The following FRMD4A variants were observed in gnomAD, a reference collection of about 807,000 sequenced individuals.
FRMD4A encodes the protein FERM domain-containing protein 4A.
In FRMD4A, 29 loss-of-function variants were observed where a neutral mutation model predicts 129.1. The observed-to-expected ratio is 0.22, with a 90% confidence interval of 0.17 to 0.31. The LOEUF (loss-of-function observed/expected upper bound fraction) is 0.31, where lower values mean the gene tolerates loss of function less well. Among genes scored for constraint, FRMD4A ranks in the 10% least tolerant of loss-of-function variants. The probability of loss-of-function intolerance (pLI) is 1.00; values close to 1 mark genes in which losing one functional copy is unlikely to be tolerated. For missense variants in FRMD4A, 1,272 were observed against 1,375.8 expected, an observed-to-expected ratio of 0.92 and a Z score of 1.19; for synonymous variants, 634 against 571.6, an observed-to-expected ratio of 1.11 and a Z score of -1.56.
chr10:13,956,751 T>A (rs2095412313), intron 2 of FRMD4A, among the ~76,000 whole-genome samples: 1 of 152,224 alleles, frequency 6.6e-6, no homozygotes, highest in African/African-American at 2.4e-5. Context: ...CAGTGAGTAC[T>A]AAGATTCAAA....
chr10:14,023,083 T>A (rs1000893143), intron 2 of FRMD4A, among the ~76,000 whole-genome samples: 1 of 152,094 alleles, frequency 6.6e-6, no homozygotes, highest in African/African-American at 2.4e-5. Flanking sequence ...AACCTCCCTG[T>A]CTGCAGTTCA....
intron 2 of FRMD4A, among the ~76,000 whole-genome samples, chr10:13,977,668 T>A (rs2095546696): frequency 6.6e-6 from 1 of 152,208 alleles, no homozygotes; most frequent in Non-Finnish European, 1.5e-5. Flanking sequence ...TCCCCATTTC[T>A]CTTCATTCCC....
chr10:13,942,092 G>T (rs1250318545), intron 2 of FRMD4A, among the ~76,000 whole-genome samples: 1 of 152,110 alleles, frequency 6.6e-6, no homozygotes, highest in Non-Finnish European at 1.5e-5. Flanking sequence ...GGCCCTTAAT[G>T]GTGTCAAGTT....
Position 13,935,478 on chromosome 10 carries a change from T to G in FRMD4A, c.46-76566A>C, listed in dbSNP as rs1288554017. 1.8e-3 allele frequency among the ~76,000 whole-genome samples: 234 copies of G among 131,302 alleles called. 13 individuals are homozygous for G. The highest frequency in any genetic ancestry group is 4.1e-3 in the Middle Eastern group (1 of 244). 86.1% of individuals were successfully genotyped at this position (131,302 alleles called of 152,430 possible). On this transcript the variant is annotated intron_variant, in intron 2 of 24. Transcript: ENST00000357447. ...AAAAAAAAAAAAAAAAAAAAAAAGT[T>G]GTTACCAAATGATCAACGATTTTCC...
intron 2 of FRMD4A, among the ~76,000 whole-genome samples, chr10:14,069,192 T>C (rs1262764605): frequency 6.6e-6 from 1 of 152,222 alleles, no homozygotes; most frequent in African/African-American, 2.4e-5. Flanking sequence ...ACTTGGGTCA[T>C]GTGAATTTTA....
chr10:13,651,024 C>T (rs2081534601), intron 24 of FRMD4A: 1 of 152,236 alleles, frequency 6.6e-6, no homozygotes, highest in African/African-American at 2.4e-5. Flanking sequence ...AATTTGATTT[C>T]AAGCCCTTGT....
At chr10:14,328,762 C>T (rs1205311378) in intron 2 of FRMD4A, among the ~76,000 whole-genome samples, 3 of 151,856 alleles carry the variant, frequency 2.0e-5, no homozygotes, top group Non-Finnish European at 2.9e-5. Context: ...GCCATCATCA[C>T]GAATACTCAG....
chr10:13,691,010 C>G (rs944304658), intron 15 of FRMD4A, among the ~76,000 whole-genome samples: 6 of 151,954 alleles, frequency 3.9e-5, no homozygotes, highest in African/African-American at 7.3e-5. Context: ...GTGAGAGAGA[C>G]ACAGTCTCAC....
intron 3 of FRMD4A, among the ~76,000 whole-genome samples, chr10:13,846,023 T>C (rs1230423720): frequency 1.3e-5 from 2 of 152,174 alleles, no homozygotes; most frequent in Non-Finnish European, 2.9e-5. Flanking sequence ...GTGCCCCAAT[T>C]TCCTCATCTG....
intron 3 of FRMD4A, among the ~76,000 whole-genome samples, chr10:13,818,624 CT>C (rs2093583143): frequency 6.6e-6 from 1 of 152,136 alleles, no homozygotes; most frequent in African/African-American, 2.4e-5. Flanking sequence ...TCCTGTCTTT[CT>C]TATATAATTT....
rs1004096501 is a variant in FRMD4A at position 14,035,273 on chromosome 10, G to A, written c.46-176361C>T. 8.5e-5 allele frequency among the ~76,000 whole-genome samples: 13 copies of A among 152,056 alleles called. No individual in the cohort carries two copies. In the East Asian group the frequency reaches 1.2e-3, roughly 14 times the overall value. On this transcript the variant is annotated intron_variant, in intron 2 of 24. Coordinates refer to ENST00000357447, the MANE Select transcript of FRMD4A (RefSeq NM_018027.5). ...CCTAAAAATACAAAATTAGCTGGGC[G>A]TGGTAGCAGGCATCTGTAATCCCAG...
intron 6 of FRMD4A, among the ~76,000 whole-genome samples, chr10:13,765,355 G>A (rs2092250559): frequency 6.6e-6 from 1 of 152,020 alleles, no homozygotes; most frequent in African/African-American, 2.4e-5. Flanking sequence ...GACCTCAGGT[G>A]ATCCACCCAC....
At chr10:14,174,534 G>GTTCATTCGTTCATTCA (rs1554776898) in intron 2 of FRMD4A, among the ~76,000 whole-genome samples, 1 of 150,402 alleles carries the variant, frequency 6.6e-6, no homozygotes. Context: ...GCGTTTGTTC[G>GTTCATTCGTTCATTCA]TTCATTCATT....
chr10:14,222,202 A>G (rs1843284907), intron 2 of FRMD4A, among the ~76,000 whole-genome samples: 1 of 152,228 alleles, frequency 6.6e-6, no homozygotes, highest in Admixed American at 6.5e-5. Flanking sequence ...TGTGCATATA[A>G]ATCAGCTGTG....
intron 2 of FRMD4A, among the ~76,000 whole-genome samples, chr10:13,965,031 T>C (rs2095476497): frequency 6.6e-6 from 1 of 151,904 alleles, no homozygotes; most frequent in Admixed American, 6.6e-5. Flanking sequence ...AAATTTCCTC[T>C]TTTGCTCAGG....
chr10:13,659,942 G>C (rs1266943649), intron 20 of FRMD4A, among the ~76,000 whole-genome samples: 7 of 152,172 alleles, frequency 4.6e-5, no homozygotes, highest in Admixed American at 1.3e-4. Context: ...TGCTTGGCTG[G>C]AGAATTCTGC....
chr10:13,769,709 A>G (rs1297240968), intron 6 of FRMD4A, among the ~76,000 whole-genome samples: 1 of 152,224 alleles, frequency 6.6e-6, no homozygotes, highest in Non-Finnish European at 1.5e-5. Flanking sequence ...CACCCTCCCC[A>G]GTGTGGGTGG....
At chr10:13,990,985 G>A (rs1213647951) in intron 2 of FRMD4A, among the ~76,000 whole-genome samples, 1 of 152,144 alleles carries the variant, frequency 6.6e-6, no homozygotes, top group Non-Finnish European at 1.5e-5. Context: ...GGAGACACTG[G>A]GGCCAGGTTC....
intron 8 of FRMD4A, among the ~76,000 whole-genome samples, chr10:13,748,753 T>C (rs2091421874): frequency 6.6e-6 from 1 of 152,186 alleles, no homozygotes; most frequent in Non-Finnish European, 1.5e-5. Flanking sequence ...AAATGCTTAT[T>C]GGAGCACTTT....
Sources: gnomAD v4.1 joint callset for allele counts (sites outside exome capture counted in the v4.1 genomes callset) on GRCh38, gnomAD v4.1.1 for gene constraint, MANE v1.5 for transcripts, NCBI Gene and HGNC (gene_info 2026-07-23, HGNC 2026-07-21) for gene names.